ATF7IP: variants seen among roughly 807,000 people sequenced by gnomAD.
ATF7IP encodes activating transcription factor 7-interacting protein 1.
In ATF7IP, 23 loss-of-function variants were observed where a neutral mutation model predicts 106.4. The ratio of observed to expected loss-of-function variants is 0.22; its 90% CI spans 0.16 to 0.31. The LOEUF (loss-of-function observed/expected upper bound fraction) is 0.31. ATF7IP is among the 10% of genes least tolerant of loss of function. ATF7IP has a pLI of 1.00. For synonymous variants in ATF7IP, 542 were observed against 539.0 expected, an observed-to-expected ratio of 1.01 and a Z score of -0.08; for missense variants, 1,334 against 1,524.3, an observed-to-expected ratio of 0.88 and a Z score of 2.08.
chr12:14,405,261 G>T (rs780423988), intron 1 of ATF7IP, among the ~76,000 whole-genome samples: 1 of 151,888 alleles, frequency 6.6e-6, no homozygotes, highest in Non-Finnish European at 1.5e-5. Context: ...GAAAATTTGT[G>T]ATAAAAAATA....
chr12:14,413,118 T>C (rs941037815), intron 1 of ATF7IP, among the ~76,000 whole-genome samples: 7 of 152,318 alleles, frequency 4.6e-5, no homozygotes, highest in Admixed American at 3.3e-4. Flanking sequence ...AGGGCAGATA[T>C]CTTTTGTTCT....
At chr12:14,473,321 T>TGTGTGG (rs1944132806) in intron 10 of ATF7IP, among the ~76,000 whole-genome samples, 1 of 151,752 alleles carries the variant, frequency 6.6e-6, no homozygotes, top group South Asian at 2.1e-4. Context: ...TGTGTGTGTG[T>TGTGTGG]GTGTGTGTTT....
intron 1 of ATF7IP, among the ~76,000 whole-genome samples, chr12:14,423,244 A>G (rs989384672): frequency 1.9e-4 from 29 of 152,096 alleles, no homozygotes; most frequent in Admixed American, 1.5e-3. Flanking sequence ...ATTGAATTAT[A>G]GCAGTTCTTA....
intron 2 of ATF7IP, among the ~76,000 whole-genome samples, chr12:14,429,341 C>T (rs1232668661): frequency 6.6e-6 from 1 of 152,088 alleles, no homozygotes; most frequent in Non-Finnish European, 1.5e-5. Flanking sequence ...CTCCATCTTC[C>T]CTTCTTTTTT....
chr12:14,431,399 T>C (rs1156901230), intron 2 of ATF7IP, among the ~76,000 whole-genome samples: 1 of 124,808 alleles, frequency 8.0e-6, no homozygotes, highest in Non-Finnish European at 1.6e-5. Context: ...AAAAACATTC[T>C]TTTTTTTTTT....
At chr12:14,427,173 A>G (rs147938114) in intron 2 of ATF7IP, among the ~76,000 whole-genome samples, 1 of 152,018 alleles carries the variant, frequency 6.6e-6, no homozygotes, top group African/African-American at 2.4e-5. Flanking sequence ...CCCAGGCTGG[A>G]GTACAGTGGC....
intron 4 of ATF7IP, 81 bp from the exon 5 acceptor site, chr12:14,438,046 CTGT>C: frequency 7.5e-7 from 1 of 1,338,704 alleles, no homozygotes; most frequent in Admixed American, 2.2e-5. Context: ...GAGCGAGACT[CTGT>C]CTCAAAAAAA....
chr12:14,400,413 A>C (rs569457891), intron 1 of ATF7IP, among the ~76,000 whole-genome samples: 1 of 152,190 alleles, frequency 6.6e-6, no homozygotes, highest in Non-Finnish European at 1.5e-5. Context: ...AGTTTCATAG[A>C]TGATTTTACT....
intron 1 of ATF7IP, among the ~76,000 whole-genome samples, chr12:14,369,535 C>T (rs919736208): frequency 1.3e-5 from 2 of 151,922 alleles, no homozygotes; most frequent in Non-Finnish European, 2.9e-5. Flanking sequence ...ACGGGGTTTC[C>T]CCGTGTTGGC....
intron 13 of ATF7IP, among the ~76,000 whole-genome samples, chr12:14,486,913 C>T (rs768387885): frequency 9.2e-5 from 14 of 152,274 alleles, no homozygotes; most frequent in Admixed American, 1.3e-4. Context: ...AAATCTGTTT[C>T]GCAAGGCATT....
At chr12:14,431,937 C>G (rs1270936999) in intron 2 of ATF7IP, among the ~76,000 whole-genome samples, 1 of 152,120 alleles carries the variant, frequency 6.6e-6, no homozygotes, top group African/African-American at 2.4e-5. Context: ...CTTTCCGTTA[C>G]AAAAAACTCT....
At chr12:14,447,502 G>A (rs142981528) in intron 6 of ATF7IP, among the ~76,000 whole-genome samples, 2,794 of 151,866 alleles carry the variant, frequency 0.018, 91 homozygotes, top group African/African-American at 0.064. Flanking sequence ...GGCTGGTCTC[G>A]AACTCCCAAC....
intron 6 of ATF7IP, among the ~76,000 whole-genome samples, chr12:14,455,666 C>T (rs1943397705): frequency 6.6e-6 from 1 of 152,292 alleles, no homozygotes; most frequent in East Asian, 1.9e-4. Context: ...CTCACTGCAA[C>T]CTCTGCCTCC....
At chr12:14,372,443 G>A (rs1357811081) in intron 1 of ATF7IP, among the ~76,000 whole-genome samples, 1 of 141,000 alleles carries the variant, frequency 7.1e-6, no homozygotes, top group Non-Finnish European at 1.5e-5. Context: ...GATGACTCAG[G>A]TACCTCAGCC....
In ATF7IP at chr12:14,460,845, T is replaced by C. The variant is rs74980854; in HGVS notation, c.2509T>C (p.Ser837Pro). The C allele has an allele frequency of 7.6e-4, 1,222 of 1,614,154 alleles. 7 individuals are homozygous for C. The African/African-American group carries it at 0.015, about 20-fold the overall frequency. The change falls in exon 9 of 15, where the codon TCC becomes CCC. Residue 837 changes from serine (S) to proline (P), a missense_variant. Transcript: ENST00000261168. Reference sequence around the variant, plus strand: ...TACCAAAAATCCAGTATCCTTGCCATCCTTGCCAAATCCCACTAAACCAAA... The same window carrying C: ...TACCAAAAATCCAGTATCCTTGCCACCCTTGCCAAATCCCACTAAACCAAA... ...GLTKNPVSLP[S>P]LPNPTKPNNV...
chr12:14,467,727 T>A (rs1943886107), intron 10 of ATF7IP, among the ~76,000 whole-genome samples: 1 of 152,074 alleles, frequency 6.6e-6, no homozygotes, highest in Non-Finnish European at 1.5e-5. Flanking sequence ...GACATTATGA[T>A]GGCTGTCTTT....
At chr12:14,460,120 TATA>T (rs1390708947) in intron 8 of ATF7IP, among the ~76,000 whole-genome samples, 1 of 152,244 alleles carries the variant, frequency 6.6e-6, no homozygotes, top group East Asian at 1.9e-4. Flanking sequence ...GTAAGGCATT[TATA>T]ATGTTTTTAA....
At chr12:14,496,143 T>G (rs1278203302) in intron 13 of ATF7IP, 88 bp from the exon 14 acceptor site, 2 of 791,438 alleles carry the variant, frequency 2.5e-6, no homozygotes, top group Admixed American at 2.4e-5. Flanking sequence ...AAAACATTGC[T>G]TCACTGCCTT....
chr12:14,395,720 A>G (rs1939799959), intron 1 of ATF7IP, among the ~76,000 whole-genome samples: 1 of 152,180 alleles, frequency 6.6e-6, no homozygotes, highest in Admixed American at 6.5e-5. Context: ...GTTTTCAAAT[A>G]TGGCTCATTG....
Sources: gnomAD v4.1 joint callset for allele counts (sites outside exome capture counted in the v4.1 genomes callset) on GRCh38, gnomAD v4.1.1 for gene constraint, MANE v1.5 for transcripts, NCBI Gene and HGNC (gene_info 2026-07-23, HGNC 2026-07-21) for gene names.